HAUS7: variants seen among roughly 807,000 people sequenced by gnomAD.
HAUS7 encodes the protein HAUS augmin like complex subunit 7.
A neutral mutation model predicts 28.4 loss-of-function variants in HAUS7; 3 were observed. The ratio of observed to expected loss-of-function variants is 0.11; its 90% CI spans 0.05 to 0.27. The LOEUF (loss-of-function observed/expected upper bound fraction) is 0.27, where lower values mean the gene tolerates loss of function less well. HAUS7 is among the 10% of genes least tolerant of loss of function. The probability of loss-of-function intolerance (pLI) is 1.00; values close to 1 mark genes in which losing one functional copy is unlikely to be tolerated. For missense variants in HAUS7, 284 were observed against 297.3 expected (o/e 0.96, Z 0.33); for synonymous variants, 165 against 132.1 (o/e 1.25, Z -1.71).
At chrX:153,470,668 C>G (rs1383169890), upstream of HAUS7, 1 of 1,055,259 alleles carries the variant, frequency 9.5e-7, no homozygotes, top group Non-Finnish European at 1.3e-6. Flanking sequence ...CACCCCCTTC[C>G]CGACCGACCC....
chrX:153,477,047 G>A (rs1184239765), intron 1 of HAUS7, among the ~76,000 whole-genome samples: 1 of 112,897 alleles, frequency 8.9e-6, no homozygotes, highest in Non-Finnish European at 1.9e-5. Context: ...ACTCCCCAGG[G>A]GCCCACCCAG....
At chrX:153,492,408 T>A (rs973703722) in intron 1 of HAUS7, among the ~76,000 whole-genome samples, 1 of 108,454 alleles carries the variant, frequency 9.2e-6, no homozygotes, top group African/African-American at 3.4e-5. Flanking sequence ...CCAGGCCGAG[T>A]GACTCAGTGG....
chrX:153,482,451 G>T, intron 1 of HAUS7: 2 of 756,677 alleles, frequency 2.6e-6, no homozygotes, highest in Non-Finnish European at 3.1e-6. Flanking sequence ...CAAGGCAGCA[G>T]CTTCCGTGGT....
At chrX:153,471,203 C>A, upstream of HAUS7, 1 of 255,291 alleles carries the variant, frequency 3.9e-6, no homozygotes, top group Non-Finnish European at 7.6e-6. Flanking sequence ...GAACCAGTTA[C>A]CTAACCTCTC....
chrX:153,455,416 C>CCTCCCAGCCA, intron 8 of HAUS7, 126 bp downstream of exon 8: 1 of 493,230 alleles, frequency 2.0e-6, no homozygotes, highest in African/African-American at 2.4e-5. Flanking sequence ...CCTCCCAGCC[C>CCTCCCAGCCA]CTGGTCCTGC....
At chrX:153,461,638 G>A (rs782091810) in intron 4 of HAUS7, 9 of 130,224 alleles carry the variant, frequency 6.9e-5, no homozygotes, top group Non-Finnish European at 1.4e-4. Context: ...ACAAAAAGAC[G>A]CTCCGTATCA....
chrX:153,487,783 T>C (rs1217045385), intron 1 of HAUS7, among the ~76,000 whole-genome samples: 1 of 112,611 alleles, frequency 8.9e-6, no homozygotes, highest in Admixed American at 9.3e-5. Flanking sequence ...CCTCCCCATG[T>C]GCCAGGAGTC....
intron 2 of HAUS7, among the ~76,000 whole-genome samples, chrX:153,468,474 C>T (rs1556984604): frequency 8.9e-6 from 1 of 112,565 alleles, no homozygotes; most frequent in Non-Finnish European, 1.9e-5. Flanking sequence ...GACAGACCCT[C>T]AGCTCAGGGA....
intron 3 of HAUS7, 132 bp from the exon 4 acceptor site, chrX:153,462,803 C>T (rs1399128106): frequency 7.7e-6 from 4 of 520,568 alleles, no homozygotes; most frequent in Non-Finnish European, 1.4e-5. Flanking sequence ...AGGCAGGCAC[C>T]CAGGTGCCAG....
intron 1 of HAUS7, 141 bp downstream of exon 1, chrX:153,470,309 T>A: frequency 1.8e-6 from 1 of 557,578 alleles, no homozygotes; most frequent in Non-Finnish European, 2.9e-6. Context: ...AAGCACCCCC[T>A]GCTGCAAGGG....
At chrX:153,484,790 G>A (rs782398626) in intron 1 of HAUS7, among the ~76,000 whole-genome samples, 2 of 113,352 alleles carry the variant, frequency 1.8e-5, no homozygotes, top group South Asian at 3.6e-4. Flanking sequence ...CCGCCACGAG[G>A]CCTGGGCAGG....
intron 9 of HAUS7, among the ~76,000 whole-genome samples, chrX:153,453,735 C>G (rs782152296): frequency 9.0e-6 from 1 of 111,268 alleles, no homozygotes; most frequent in African/African-American, 3.3e-5. Context: ...TACGAGGAAA[C>G]TGGATCCCCA....
chrX:153,452,026 C>T (rs2089245529), intron 9 of HAUS7, among the ~76,000 whole-genome samples: 1 of 112,630 alleles, frequency 8.9e-6, no homozygotes, highest in Non-Finnish European at 1.9e-5. Context: ...TATAATCAAA[C>T]TGTCCAAAGC....
chrX:153,481,858 A>T, intron 1 of HAUS7: 1 of 755,397 alleles, frequency 1.3e-6, no homozygotes, highest in Non-Finnish European at 1.6e-6. Context: ...GGGCTGCCCA[A>T]CCTGGAGTGG....
At chrX:153,484,927 T>C (rs1383015300) in intron 1 of HAUS7, among the ~76,000 whole-genome samples, 3 of 112,857 alleles carry the variant, frequency 2.7e-5, no homozygotes, top group South Asian at 3.6e-4. Flanking sequence ...CCCAAAAGGC[T>C]GACCCTAGCC....
chrX:153,472,150 C>T (rs1424063500), upstream of HAUS7, among the ~76,000 whole-genome samples: 2 of 110,899 alleles, frequency 1.8e-5, no homozygotes, highest in Admixed American at 9.5e-5. Context: ...TCCTGAGGAC[C>T]GGGAAGAAAC....
At chrX:153,488,319 G>C (rs782148929) in intron 1 of HAUS7, among the ~76,000 whole-genome samples, 2 of 112,989 alleles carry the variant, frequency 1.8e-5, no homozygotes. Context: ...CTCTGCCTCC[G>C]GGCTGCTGGA....
chrX:153,461,119 G>C (rs1413877180), intron 4 of HAUS7, among the ~76,000 whole-genome samples: 1 of 111,940 alleles, frequency 8.9e-6, no homozygotes, highest in Non-Finnish European at 1.9e-5. Flanking sequence ...GGCAAGAGGC[G>C]GGAGGCGGCT....
At chrX:153,468,158 G>A (rs1049697375) in intron 2 of HAUS7, among the ~76,000 whole-genome samples, 1 of 112,401 alleles carries the variant, frequency 8.9e-6, no homozygotes, top group Non-Finnish European at 1.9e-5. Context: ...CTTCCTCTGG[G>A]GGCCTGTATC....
Sources: gnomAD v4.1 joint callset for allele counts (sites outside exome capture counted in the v4.1 genomes callset) on GRCh38, gnomAD v4.1.1 for gene constraint, MANE v1.5 for transcripts, NCBI Gene and HGNC (gene_info 2026-07-23, HGNC 2026-07-21) for gene names.